Variants in MAP2 observed in about 807,000 individuals in gnomAD.
MAP2 encodes microtubule-associated protein 2.
Under a neutral mutation model 137.6 loss-of-function variants are expected in MAP2, and 14 were observed. The observed-to-expected ratio is 0.10, with a 90% CI of 0.07 to 0.16. The LOEUF is 0.16. MAP2 is among the 10% of genes least tolerant of loss of function. The pLI, the probability that MAP2 is intolerant of heterozygous loss-of-function variation, is 1.00. For synonymous variants in MAP2, 786 were observed against 782.3 expected (o/e 1.00, Z -0.08); for missense variants, 2,088 against 2,191.5 (o/e 0.95, Z 0.94).
intron 1 of MAP2, among the ~76,000 whole-genome samples, chr2:209,434,315 A>T (rs10932299): frequency 0.42 from 63,543 of 149,776 alleles, 13,665 homozygotes; most frequent in Non-Finnish European, 0.46. Context: ...CAAAATTATT[A>T]TTTTTTTATT....
chr2:209,613,506 A>G (rs1230578022), intron 3 of MAP2, among the ~76,000 whole-genome samples: 1 of 152,142 alleles, frequency 6.6e-6, no homozygotes, highest in Non-Finnish European at 1.5e-5. Flanking sequence ...CATGCAAGTC[A>G]CTAGTTGCCG....
chr2:209,490,431 G>A (rs1302400510), intron 1 of MAP2, among the ~76,000 whole-genome samples: 2 of 151,354 alleles, frequency 1.3e-5, no homozygotes, highest in South Asian at 2.1e-4. Context: ...GTAACAATAC[G>A]AACCTTAAGT....
In MAP2 at chr2:209,449,054, C is replaced by T. The variant is rs148091472; in HGVS notation, c.-222+24778C>T. Among the ~76,000 whole-genome samples, 263 of 152,236 alleles carry T rather than the reference C, an allele frequency of 1.7e-3. 2 individuals carry two copies. Among genetic ancestry groups the T allele is most frequent in the Non-Finnish European group, 2.9e-3 (194 of 68,010 alleles). ...ATAACTAACCAGGGTAAGTCTTGTA[C>T]GTGCTTCCATTAGGTCTTCCCTGAC... is the stretch of plus-strand genomic sequence containing the variant. On this transcript the variant is annotated intron_variant, in intron 1 of 15. Coordinates refer to ENST00000682079, the MANE Select transcript of MAP2 (RefSeq NM_001375505.1).
chr2:209,576,815 T>C (rs961791122), intron 2 of MAP2, among the ~76,000 whole-genome samples: 2 of 152,216 alleles, frequency 1.3e-5, no homozygotes, highest in African/African-American at 4.8e-5. Context: ...CTTGTATTCT[T>C]AGAATATGAC....
intron 1 of MAP2, among the ~76,000 whole-genome samples, chr2:209,435,998 T>TATACAGTATATATTATATATA (rs1559159527): frequency 1.1e-5 from 1 of 88,806 alleles, no homozygotes; most frequent in African/African-American, 6.3e-5. Flanking sequence ...TATTATATAC[T>TATACAGTATATATTATATATA]ATATATACAG....
intron 13 of MAP2, among the ~76,000 whole-genome samples, chr2:209,713,731 CG>C (rs1382086117): frequency 2.0e-5 from 3 of 152,116 alleles, no homozygotes; most frequent in Non-Finnish European, 4.4e-5. Flanking sequence ...TCTCTAAACA[CG>C]TAGCATAAAA....
At chr2:209,580,949 A>G (rs776269420) in intron 3 of MAP2, among the ~76,000 whole-genome samples, 1 of 152,202 alleles carries the variant, frequency 6.6e-6, no homozygotes, top group Non-Finnish European at 1.5e-5. Flanking sequence ...TGAGAAGAAA[A>G]TCAGTAATAC....
chr2:209,521,082 A>T (rs1176192272), intron 2 of MAP2, among the ~76,000 whole-genome samples: 1 of 152,088 alleles, frequency 6.6e-6, no homozygotes, highest in African/African-American at 2.4e-5. Flanking sequence ...TTTCCTTTAT[A>T]GTATTGAGGC....
intron 3 of MAP2, among the ~76,000 whole-genome samples, chr2:209,582,657 T>TGATA (rs66881504): frequency 0.097 from 14,497 of 149,612 alleles, 898 homozygotes; most frequent in African/African-American, 0.17. Context: ...GATAGATAGA[T>TGATA]GATAGATAGA....
At chr2:209,657,576 CTTCTTTTGAGAAGTG>C (rs2153622853) in intron 5 of MAP2, among the ~76,000 whole-genome samples, 1 of 151,806 alleles carries the variant, frequency 6.6e-6, no homozygotes, top group East Asian at 1.9e-4. Context: ...ATTTGTGCAT[CTTCTTTTGAGAAGTG>C]TCTATTCATG....
chr2:209,507,480 T>G (rs1282492401), intron 1 of MAP2, 112 bp from the exon 2 acceptor site: 1 of 152,158 alleles, frequency 6.6e-6, no homozygotes, highest in Non-Finnish European at 1.5e-5. Context: ...TCAGTGCATT[T>G]TATGGAGTGA....
At chr2:209,651,341 G>A (rs1054622804) in intron 4 of MAP2, among the ~76,000 whole-genome samples, 15 of 152,114 alleles carry the variant, frequency 9.9e-5, no homozygotes, top group African/African-American at 3.6e-4. Flanking sequence ...CACAATATCT[G>A]GGGACGGATT....
chr2:209,569,572 A>C (rs890511226), intron 2 of MAP2, among the ~76,000 whole-genome samples: 2 of 151,832 alleles, frequency 1.3e-5, no homozygotes, highest in South Asian at 4.1e-4. Flanking sequence ...TACAGATTGC[A>C]GTATTGAATA....
intron 4 of MAP2, among the ~76,000 whole-genome samples, chr2:209,638,152 G>A (rs922328807): frequency 1.3e-5 from 2 of 152,052 alleles, no homozygotes. Context: ...GCAAATGTAT[G>A]TCCCATCATA....
At chr2:209,675,481 C>T (rs1361887028) in intron 5 of MAP2, among the ~76,000 whole-genome samples, 1 of 151,794 alleles carries the variant, frequency 6.6e-6, no homozygotes, top group Admixed American at 6.6e-5. Flanking sequence ...TTGGACATTT[C>T]TATACTGAAC....
chr2:209,655,037 T>C (rs571015000), intron 5 of MAP2, among the ~76,000 whole-genome samples: 35 of 152,336 alleles, frequency 2.3e-4, no homozygotes, highest in African/African-American at 7.7e-4. Flanking sequence ...ACCAACACCA[T>C]TCACTATTTC....
At chr2:209,435,952 T>TATACAGTATATATTATATATAATAC (rs1695899307) in intron 1 of MAP2, among the ~76,000 whole-genome samples, 1 of 142,984 alleles carries the variant, frequency 7.0e-6, no homozygotes, top group African/African-American at 2.5e-5. Context: ...ATATACTATA[T>TATACAGTATATATTATATATAATAC]ATACAGTATA....
rs1451586846 is a variant in MAP2 at position 209,696,162 on chromosome 2, T to G, written c.3992T>G (p.Phe1331Cys). ...RRPSPHDEEEFEVEEAAEAQA... is the reference protein window; with the variant it reads ...RRPSPHDEEECEVEEAAEAQA... ...CCATCTCCTCATGATGAAGAAGAGT[T>G]TGAAGTAGAAGAGGCAGCTGAAGCC... The change falls in exon 8 of 16, where the codon TTT (phenylalanine) becomes TGT (cysteine). Residue 1331 changes from phenylalanine (F) to cysteine (C), a missense_variant. This residue lies in a region of MAP2 where 591 missense variants were observed against 642.6 expected (regional missense o/e 0.92). Coordinates refer to ENST00000682079, the MANE Select transcript of MAP2 (RefSeq NM_001375505.1). 2 of 1,612,512 alleles carry G rather than the reference T, an allele frequency of 1.2e-6. No individual in the cohort carries two copies. Among genetic ancestry groups the G allele is most frequent in the East Asian group, 2.2e-5 (1 of 44,854 alleles).
At chr2:209,451,191 G>GA (rs56822317) in intron 1 of MAP2, among the ~76,000 whole-genome samples, 9 of 152,044 alleles carry the variant, frequency 5.9e-5, no homozygotes, top group Admixed American at 1.3e-4. Flanking sequence ...TATGTTTAGG[G>GA]AAAAAAATGT....
Sources: gnomAD v4.1 joint callset for allele counts (sites outside exome capture counted in the v4.1 genomes callset) on GRCh38, gnomAD v4.1.1 for gene constraint, gnomAD v4.1.1 regional missense constraint, MANE v1.5 for transcripts, NCBI Gene and HGNC (gene_info 2026-07-23, HGNC 2026-07-21) for gene names.